Variants in UBR2 observed in about 807,000 individuals in gnomAD.
UBR2 encodes the protein ubiquitin protein ligase E3 component n-recognin 2.
UBR2 carries 92 observed loss-of-function variants against 247.9 expected under a neutral mutation model. That is an observed-to-expected ratio of 0.37 (90% CI 0.31 to 0.44). The LOEUF is 0.44. UBR2 is among the 20% of genes least tolerant of loss of function. The pLI is 1.00. For missense variants in UBR2, 1,613 were observed against 2,112.6 expected (o/e 0.76, Z 4.64); for synonymous variants, 672 against 693.5 (o/e 0.97, Z 0.49).
At chr6:42,646,271 C>T (rs1005675241) in intron 21 of UBR2, among the ~76,000 whole-genome samples, 3 of 152,128 alleles carry the variant, frequency 2.0e-5, no homozygotes, top group Non-Finnish European at 4.4e-5. Flanking sequence ...AACCTTCAAC[C>T]TTAATTAACA....
chr6:42,642,379 A>T, intron 17 of UBR2, 37 bp from the exon 18 acceptor site: 1 of 1,450,916 alleles, frequency 6.9e-7, no homozygotes, highest in Non-Finnish European at 9.5e-7. Flanking sequence ...TGAGCCAATA[A>T]AAACTATTTA....
At chr6:42,681,280 G>C (rs1010292638) in intron 42 of UBR2, among the ~76,000 whole-genome samples, 8 of 152,040 alleles carry the variant, frequency 5.3e-5, no homozygotes, top group African/African-American at 1.7e-4. Flanking sequence ...TGAAGTGGGA[G>C]GATCACTTGA....
At chr6:42,621,242 T>G (rs1407061183) in intron 11 of UBR2, among the ~76,000 whole-genome samples, 1 of 152,224 alleles carries the variant, frequency 6.6e-6, no homozygotes, top group Non-Finnish European at 1.5e-5. Context: ...CCCTACATAG[T>G]TATTCAATTA....
rs754204275 is a variant in UBR2, at chr6:42,683,105, C to G, written c.4769C>G (p.Ala1590Gly). 6 of 1,612,226 alleles carry G rather than the reference C, an allele frequency of 3.7e-6. No homozygotes were observed. Among genetic ancestry groups the G allele is most frequent in the Non-Finnish European group, 5.1e-6 (6 of 1,179,196 alleles). ...AGATATCTAGAAGGTGAAAGAGATG[C>G]TATAAGGTAAGTTAAAGAGCCTCAA... Reference protein sequence around the residue: ...VKRYLEGERDAIRYPRESNKL... With the variant: ...VKRYLEGERDGIRYPRESNKL... The change falls in exon 43 of 47, where the codon GCT (alanine) becomes GGT (glycine). Residue 1590 changes from alanine (A) to glycine (G), a missense_variant. Physicochemically the swap from Ala to Gly is moderately conservative, Grantham distance 60. Coordinates refer to ENST00000372901, the MANE Select transcript of UBR2 (RefSeq NM_001363705.2).
chr6:42,632,958 C>CTTTTTTTTTTTTTTTTTCTTTTTTTT, intron 13 of UBR2, 54 bp downstream of exon 13: 1 of 610,588 alleles, frequency 1.6e-6, no homozygotes, highest in Non-Finnish European at 2.3e-6. Context: ...TCTCTTTTCT[C>CTTTTTTTTTTTTTTTTTCTTTTTTTT]TTTTTTTTTT....
intron 15 of UBR2, among the ~76,000 whole-genome samples, 199 bp from the exon 16 acceptor site, chr6:42,640,008 CAG>C (rs1796327933): frequency 6.6e-6 from 1 of 152,094 alleles, no homozygotes; most frequent in Non-Finnish European, 1.5e-5. Flanking sequence ...AGCCGGGTGA[CAG>C]AGCGAGACTC....
chr6:42,607,532 T>G (rs566457050), intron 7 of UBR2, among the ~76,000 whole-genome samples: 2 of 152,028 alleles, frequency 1.3e-5, no homozygotes, highest in South Asian at 4.2e-4. Context: ...TGTTGTTGTT[T>G]GAGACAGAGT....
At chr6:42,644,172 T>G (rs746228466) in intron 18 of UBR2, 42 bp from the exon 19 acceptor site, 22 of 1,569,744 alleles carry the variant, frequency 1.4e-5, no homozygotes, top group Non-Finnish European at 1.9e-5. Context: ...CCCTTTGACC[T>G]TCCTCTTTTC....
chr6:42,658,319 A>T lies in UBR2; in HGVS notation c.3062A>T (p.Glu1021Val). The T allele has an allele frequency of 1.2e-6, 2 of 1,609,330 alleles. No individual in the cohort carries two copies. The highest frequency in any genetic ancestry group is 2.2e-5 in the South Asian group (2 of 89,670). ...GAGACAGAAGGAACCATAATGGAAG[A>T]GGTATAAACAGTAAAAAGTGTGATA... Reference protein sequence around the residue: ...VAETEGTIMEESSRDKDKAER... With the variant: ...VAETEGTIMEVSSRDKDKAER... Residue 1021 changes from glutamate (E) to valine (V), a missense_variant and splice_region_variant, in exon 28 of 47, where the codon GAG becomes GTG. This residue lies in a region of UBR2 where 1,524 missense variants were observed against 1,967.3 expected (regional missense o/e 0.77). Coordinates refer to ENST00000372901, the MANE Select transcript of UBR2 (RefSeq NM_001363705.2).
intron 42 of UBR2, among the ~76,000 whole-genome samples, chr6:42,681,905 C>CTAT (rs1290931726): frequency 6.6e-6 from 1 of 152,130 alleles, no homozygotes; most frequent in Admixed American, 6.6e-5. Context: ...ACACAATGGA[C>CTAT]TATTATTCAG....
At chr6:42,680,307 A>G (rs1409613737) in intron 42 of UBR2, among the ~76,000 whole-genome samples, 1 of 152,162 alleles carries the variant, frequency 6.6e-6, no homozygotes, top group African/African-American at 2.4e-5. Flanking sequence ...CTTTTTAGCT[A>G]AGGATCTGGC....
chr6:42,627,362 C>T (rs964859606), intron 11 of UBR2, among the ~76,000 whole-genome samples: 3 of 152,000 alleles, frequency 2.0e-5, no homozygotes, highest in African/African-American at 7.3e-5. Flanking sequence ...GATATTGTGG[C>T]CTCTGGCTAC....
chr6:42,630,874 A>AT (rs1158764610), intron 11 of UBR2, among the ~76,000 whole-genome samples: 1 of 151,808 alleles, frequency 6.6e-6, no homozygotes, highest in African/African-American at 2.4e-5. Flanking sequence ...TGGCGTGATC[A>AT]TGGCTCACTG....
intron 34 of UBR2, among the ~76,000 whole-genome samples, chr6:42,668,686 C>T (rs1046873811): frequency 1.8e-4 from 28 of 152,142 alleles, no homozygotes; most frequent in African/African-American, 6.3e-4. Context: ...AGATGATCCA[C>T]CCACCTCGGC....
intron 2 of UBR2, among the ~76,000 whole-genome samples, chr6:42,589,354 G>A (rs1404390386): frequency 1.3e-5 from 2 of 152,160 alleles, no homozygotes; most frequent in African/African-American, 4.8e-5. Context: ...AGCCAGCCTA[G>A]CATACATGGG....
At position 42,689,346 on chromosome 6, in the gene UBR2, T is replaced by C. The variant is rs994499052; in HGVS notation, c.5025-223T>C. On this transcript the variant is annotated intron_variant, in intron 45 of 46. Transcript: ENST00000372901. This position sits in a 1 kb window ranked among gnomAD's most constrained non-coding sequence, Gnocchi z 4.0. ...AATAAATGTCTGTTTAATTGTGCTG[T>C]ACTATTAATGCCAGAAAAAGGCAAA... is the stretch of plus-strand genomic sequence containing the variant. Among the ~76,000 whole-genome samples the C allele has an allele frequency of 6.6e-6, 1 of 152,212 alleles. No homozygotes were observed. Among genetic ancestry groups the C allele is most frequent in the African/African-American group, 2.4e-5 (1 of 41,460 alleles).
intron 2 of UBR2, 76 bp from the exon 3 acceptor site, chr6:42,592,072 GATT>G (rs1485013249): frequency 3.0e-6 from 4 of 1,337,020 alleles, no homozygotes; most frequent in Non-Finnish European, 4.2e-6. Context: ...TTTTAGGATG[GATT>G]CCAATTTGAA....
At chr6:42,660,495 C>A (rs1479826598) in intron 30 of UBR2, among the ~76,000 whole-genome samples, 1 of 152,106 alleles carries the variant, frequency 6.6e-6, no homozygotes, top group Non-Finnish European at 1.5e-5. Flanking sequence ...ACCCAGTAAA[C>A]TTCTTGAGAG....
chr6:42,605,731 GA>G lies in UBR2; in HGVS notation c.674del (p.Asp225AlafsTer40). 1 of 1,601,976 alleles carries G rather than the reference GA, an allele frequency of 6.2e-7. No homozygotes were observed. The stretch of plus-strand genomic sequence containing the variant: ...TATTTTATCACACAGAGAGAAGAGT[GA>G]CACCTACTATTGCATGCTGTTTAAT... Reference protein sequence around the residue: ...PADLEMVEKSDTYYCMLFNDE... With the variant: ...PADLEMVEKSXTYYCMLFNDE... On this transcript the variant is annotated frameshift_variant, in exon 6 of 47. Transcript: ENST00000372901. LOFTEE classifies it high-confidence loss of function.
Sources: gnomAD v4.1 joint callset for allele counts (sites outside exome capture counted in the v4.1 genomes callset) on GRCh38, gnomAD v4.1.1 for gene constraint, gnomAD v4.1.1 regional missense constraint, Gnocchi (gnomAD v3.1) non-coding constraint, MANE v1.5 for transcripts, NCBI Gene and HGNC (gene_info 2026-07-23, HGNC 2026-07-21) for gene names.